The following OPHN1 variants were observed in gnomAD, a reference collection of about 807,000 sequenced individuals.
OPHN1 encodes oligophrenin-1.
Under a neutral mutation model 60.7 loss-of-function variants are expected in OPHN1, and 11 were observed. The ratio of observed to expected loss-of-function variants is 0.18; its 90% CI spans 0.11 to 0.30. OPHN1 has a LOEUF of 0.30. OPHN1 is among the 10% of genes least tolerant of loss of function. The probability of loss-of-function intolerance (pLI) is 1.00; values close to 1 mark genes in which losing one functional copy is unlikely to be tolerated. For missense variants in OPHN1, 449 were observed against 611.0 expected (o/e 0.73, Z 2.80); for synonymous variants, 226 against 222.6 (o/e 1.02, Z -0.14).
At chrX:68,132,555 CGGGGGAG>C (rs1293269337) in intron 15 of OPHN1, among the ~76,000 whole-genome samples, 116 of 37,357 alleles carry the variant, frequency 3.1e-3, no homozygotes, top group African/African-American at 0.013. Context: ...GTGGTGGGGT[CGGGGGAG>C]GGGGGAGGGA....
chrX:68,262,646 G>T (rs1472363106), intron 5 of OPHN1, among the ~76,000 whole-genome samples: 1 of 112,189 alleles, frequency 8.9e-6, no homozygotes, highest in Non-Finnish European at 1.9e-5. Context: ...AATTAGGTAG[G>T]TGTGGTGGCA....
chrX:68,066,538 G>A (rs2076913800), intron 20 of OPHN1, among the ~76,000 whole-genome samples: 2 of 111,375 alleles, frequency 1.8e-5, no homozygotes, highest in South Asian at 7.8e-4. Flanking sequence ...CTAGGTTCTG[G>A]GGTATGGTGA....
At chrX:68,244,477 G>A (rs1003221591) in intron 5 of OPHN1, among the ~76,000 whole-genome samples, 3 of 112,241 alleles carry the variant, frequency 2.7e-5, no homozygotes, top group Non-Finnish European at 5.6e-5. Context: ...CATCTGTCCT[G>A]TTCATTGTAC....
chrX:68,290,442 T>C (rs1201662642), intron 3 of OPHN1, among the ~76,000 whole-genome samples: 2 of 109,787 alleles, frequency 1.8e-5, no homozygotes, highest in East Asian at 5.7e-4. Flanking sequence ...CTACCAAAAA[T>C]ACAAAAATTA....
intron 2 of OPHN1, among the ~76,000 whole-genome samples, chrX:68,376,717 T>C (rs1242237487): frequency 1.8e-5 from 2 of 111,258 alleles, no homozygotes; most frequent in Admixed American, 9.6e-5. Context: ...GTACCTCTTA[T>C]AGAGTGCCTT....
intron 2 of OPHN1, among the ~76,000 whole-genome samples, chrX:68,338,783 A>G (rs1381597112): frequency 9.0e-6 from 1 of 111,721 alleles, no homozygotes; most frequent in Non-Finnish European, 1.9e-5. Flanking sequence ...TTGCTCCAAC[A>G]TACAAAAAAT....
intron 2 of OPHN1, among the ~76,000 whole-genome samples, chrX:68,422,106 T>C (rs1164563277): frequency 1.8e-5 from 2 of 111,282 alleles, no homozygotes; most frequent in Admixed American, 9.6e-5. Context: ...GGGAAATCAC[T>C]TGATCCTAGC....
At chrX:68,263,196 C>T (rs2077903351) in intron 5 of OPHN1, among the ~76,000 whole-genome samples, 1 of 111,212 alleles carries the variant, frequency 9.0e-6, no homozygotes, top group Non-Finnish European at 1.9e-5. Context: ...TTATTTTGTT[C>T]CTTCCTTCAT....
rs1163192446 is a variant in OPHN1, at chrX:68,393,885, GTTTTTTTTTTTTTT to G, written c.154+38968_154+38981del. Among the ~76,000 whole-genome samples the G allele has an allele frequency of 5.2e-4, 18 of 34,599 alleles. No individual in the cohort carries two copies. In the East Asian group the frequency reaches 0.017, roughly 32 times the overall value. The allele number at this position is 34,599 out of a possible 115,157, so 30.0% of individuals were successfully genotyped here. A position where few individuals can be genotyped will look rare whatever the true frequency, so the allele number is the denominator to read the frequency against. ...CTATCAAGGTGATCCAATAGACTTT[GTTTTTTTTTTTTTT>G]TTTTTTTTTTTTTTGAGACGGAGTC... On this transcript the variant is annotated intron_variant, in intron 2 of 24. Transcript: ENST00000355520.
chrX:68,144,500 T>A (rs747879535), intron 15 of OPHN1, among the ~76,000 whole-genome samples: 1 of 111,679 alleles, frequency 9.0e-6, no homozygotes, highest in African/African-American at 3.3e-5. Context: ...GGAACCATAG[T>A]TGGAATTTAG....
intron 2 of OPHN1, among the ~76,000 whole-genome samples, chrX:68,358,141 AT>A (rs760644183): frequency 6.9e-4 from 74 of 106,974 alleles, no homozygotes; most frequent in Middle Eastern, 4.8e-3. Flanking sequence ...AAAAAAAAAA[AT>A]AATAAAATAA....
At chrX:68,313,196 G>A (rs2078182439) in intron 2 of OPHN1, among the ~76,000 whole-genome samples, 1 of 111,862 alleles carries the variant, frequency 8.9e-6, no homozygotes. Flanking sequence ...TGTGGAAAAA[G>A]GGGAACCCTC....
chrX:68,214,112 G>A, intron 6 of OPHN1, 140 bp from the exon 7 acceptor site: 1 of 482,727 alleles, frequency 2.1e-6, no homozygotes, highest in Non-Finnish European at 3.7e-6. Context: ...TAGAAATAGA[G>A]AACCTAAAGC....
intron 2 of OPHN1, among the ~76,000 whole-genome samples, chrX:68,300,340 TTG>T: frequency 8.9e-6 from 1 of 112,457 alleles, no homozygotes; most frequent in Non-Finnish European, 1.9e-5. Flanking sequence ...GTTCAAGCAT[TTG>T]GCTGAAACAA....
intron 6 of OPHN1, among the ~76,000 whole-genome samples, chrX:68,221,043 A>C (rs2077654172): frequency 9.6e-6 from 1 of 104,484 alleles, no homozygotes; most frequent in Non-Finnish European, 2.0e-5. Flanking sequence ...CCACTGTTTC[A>C]GCCCAAAATC....
intron 2 of OPHN1, among the ~76,000 whole-genome samples, chrX:68,333,909 G>C (rs9887483): frequency 2.5e-5 from 2 of 81,447 alleles, no homozygotes; most frequent in African/African-American, 1.6e-4. Context: ...TTTTTTTTTT[G>C]GGTTGGGGGA....
intron 2 of OPHN1, among the ~76,000 whole-genome samples, chrX:68,363,477 GT>G (rs746788742): frequency 2.8e-5 from 3 of 107,681 alleles, no homozygotes; most frequent in African/African-American, 6.7e-5. Flanking sequence ...ACCCAGCTAT[GT>G]TTTTTTTTAT....
At position 68,416,392 on chromosome X, in the gene OPHN1, C is replaced by T. The variant is rs886850625; in HGVS notation, c.154+16475G>A. 5.4e-5 allele frequency among the ~76,000 whole-genome samples: 6 copies of T among 110,377 alleles called. No individual in the cohort carries two copies. The East Asian group carries it at 1.4e-3, about 26-fold the overall frequency. The stretch of plus-strand genomic sequence containing the variant: ...TCAAGGGCTTTGTGAAAAATCCCAT[C>T]GACTATCTATAATGGGAAAGAGGAA... On this transcript the variant is annotated intron_variant, in intron 2 of 24. Coordinates refer to ENST00000355520, the MANE Select transcript of OPHN1 (RefSeq NM_002547.3).
chrX:68,065,117 T>C (rs1488458199), intron 20 of OPHN1, among the ~76,000 whole-genome samples: 1 of 111,042 alleles, frequency 9.0e-6, no homozygotes, highest in Non-Finnish European at 1.9e-5. Context: ...GTTGTGCACA[T>C]GTACCCTAGA....
Sources: gnomAD v4.1 joint callset for allele counts (sites outside exome capture counted in the v4.1 genomes callset) on GRCh38, gnomAD v4.1.1 for gene constraint, MANE v1.5 for transcripts, NCBI Gene and HGNC (gene_info 2026-07-23, HGNC 2026-07-21) for gene names.